Variants in SLCO1A2 observed in about 807,000 individuals in gnomAD.
SLCO1A2 encodes OATP-1.
A neutral mutation model predicts 69.0 loss-of-function variants in SLCO1A2; 67 were observed. The observed-to-expected ratio is 0.97, with a 90% CI of 0.80 to 1.19. The LOEUF is 1.19. SLCO1A2 is among the 50% of genes most tolerant of loss of function. The pLI is 0.00. For missense variants in SLCO1A2, 787 were observed against 793.7 expected (o/e 0.99, Z 0.10); for synonymous variants, 260 against 265.9 (o/e 0.98, Z 0.22).
intron 12 of SLCO1A2, among the ~76,000 whole-genome samples, chr12:21,278,454 T>C (rs74066047): frequency 0.021 from 3,169 of 151,946 alleles, 123 homozygotes; most frequent in African/African-American, 0.073. Context: ...CTGTGCTGGA[T>C]TCCAATCTAA....
chr12:21,330,907 G>A (rs188300051), intron 2 of SLCO1A2, among the ~76,000 whole-genome samples: 1 of 152,004 alleles, frequency 6.6e-6, no homozygotes, highest in Non-Finnish European at 1.5e-5. Flanking sequence ...TGGACTTTCT[G>A]GTTTGACATA....
At chr12:21,363,741 AACT>A (rs1381247066) in intron 2 of SLCO1A2, among the ~76,000 whole-genome samples, 1 of 152,208 alleles carries the variant, frequency 6.6e-6, no homozygotes, top group Non-Finnish European at 1.5e-5. Context: ...CAGAAATACA[AACT>A]ACTATCAGAG....
upstream of SLCO1A2, among the ~76,000 whole-genome samples, chr12:21,337,350 G>C (rs1019203243): frequency 2.6e-5 from 4 of 151,942 alleles, no homozygotes; most frequent in Admixed American, 2.6e-4. Context: ...TCTTGTTTGT[G>C]CTCTTGCAGT....
intron 2 of SLCO1A2, among the ~76,000 whole-genome samples, chr12:21,359,746 T>TA (rs35529364): frequency 0.33 from 45,893 of 140,006 alleles, 7,370 homozygotes; most frequent in East Asian, 0.48. Flanking sequence ...GACTCCGTCT[T>TA]AAAAAAAAAA....
At chr12:21,418,600 C>A (rs1942026349), upstream of SLCO1A2, among the ~76,000 whole-genome samples, 1 of 152,088 alleles carries the variant, frequency 6.6e-6, no homozygotes, top group Admixed American at 6.6e-5. Context: ...CCTTATAAAA[C>A]CATCAGATCT....
chr12:21,294,216 G>C (rs1175846862), intron 10 of SLCO1A2, 106 bp from the exon 11 acceptor site: 1 of 915,864 alleles, frequency 1.1e-6, no homozygotes, highest in Non-Finnish European at 1.6e-6. Context: ...CCCATGAATA[G>C]AAAGAGAAAT....
chr12:21,336,518 C>T (rs896827877), upstream of SLCO1A2, among the ~76,000 whole-genome samples: 1 of 151,958 alleles, frequency 6.6e-6, no homozygotes, highest in African/African-American at 2.4e-5. Flanking sequence ...TAAGGCTAAG[C>T]ACTTGAAAAG....
Position 21,402,860 on chromosome 12 carries a change from T to C in SLCO1A2, c.-312+15022A>G, listed in dbSNP as rs539870203. Among the ~76,000 whole-genome samples, 31 of 152,320 alleles carry C rather than the reference T, an allele frequency of 2.0e-4. No individual in the cohort carries two copies. In the South Asian group the frequency reaches 3.5e-3, roughly 17 times the overall value. ...TACGCCCAAAATTGACTTTTTTATA[T>C]ACTCTTCTGTTACTTAGCTTTGAAA... On this transcript the variant is annotated intron_variant, in intron 1 of 4. Coordinates refer to the SLCO1A2 transcript ENST00000413682.
rs1355215383 is a variant in SLCO1A2, at chr12:21,267,132, C to T, written c.*2416G>A. On this transcript the variant is annotated 3_prime_UTR_variant, in exon 15 of 15. Transcript: ENST00000683939. ...GGTCATGAGGGATCCCAAAGCACTC[C>T]AACACCCACTTTCTCTGACCTGCTT... 6.6e-6 allele frequency: 1 copy of T among 152,118 alleles called. No individual in the cohort carries two copies. Among genetic ancestry groups the T allele is most frequent in the Non-Finnish European group, 1.5e-5 (1 of 68,074 alleles). 9.4% of individuals were successfully genotyped at this position (152,118 alleles called of 1,614,324 possible).
chr12:21,415,280 A>G (rs756911053), intron 1 of SLCO1A2, among the ~76,000 whole-genome samples: 3 of 152,046 alleles, frequency 2.0e-5, no homozygotes, highest in African/African-American at 4.8e-5. Flanking sequence ...CCATACTACC[A>G]TTATCTAGAC....
chr12:21,284,447 T>C (rs999930935), intron 12 of SLCO1A2, among the ~76,000 whole-genome samples: 10 of 151,988 alleles, frequency 6.6e-5, no homozygotes, highest in South Asian at 2.1e-4. Flanking sequence ...GACAGATCAA[T>C]GAGACAGAAA....
Position 21,294,043 on chromosome 12 carries a change from ATGG to A in SLCO1A2, c.1336_1338del (p.Pro446del), listed in dbSNP as rs1210056542. On this transcript the variant is annotated inframe_deletion, in exon 11 of 15. Coordinates refer to ENST00000683939, the MANE Select transcript of SLCO1A2 (RefSeq NM_001386879.1). The stretch of plus-strand genomic sequence containing the variant: ...CCACACACAGGATCCCATATTTTAG[ATGG>A]ACAGTTGCAATCCACATTGCAATCA... 1 of 1,611,658 alleles carries A rather than the reference ATGG, an allele frequency of 6.2e-7. No homozygotes were observed. The highest frequency in any genetic ancestry group is 1.1e-5 in the South Asian group (1 of 90,658).
upstream of SLCO1A2, chr12:21,419,401 A>C (rs1026279389): frequency 2.0e-5 from 3 of 153,460 alleles, no homozygotes; most frequent in African/African-American, 7.2e-5. Context: ...GCATTGCCTC[A>C]CTTGGGAAGC....
At chr12:21,297,600 G>T in intron 8 of SLCO1A2, 32 bp from the exon 9 acceptor site, 1 of 1,461,160 alleles carries the variant, frequency 6.8e-7, no homozygotes, top group South Asian at 1.5e-5. Flanking sequence ...TGTGTCAAAC[G>T]AACTTGGCTT....
chr12:21,411,168 GTTTA>G (rs776028029), intron 1 of SLCO1A2, among the ~76,000 whole-genome samples: 116 of 152,198 alleles, frequency 7.6e-4, no homozygotes, highest in Non-Finnish European at 1.4e-3. Flanking sequence ...TGTAGCCAAT[GTTTA>G]TTTGTTACTG....
chr12:21,395,527 C>G (rs377666427), upstream of SLCO1A2: 5,062 of 152,782 alleles, frequency 0.033, 132 homozygotes, highest in Non-Finnish European at 0.049. Flanking sequence ...CACCACAGCT[C>G]AAGAAGGCCT....
intron 2 of SLCO1A2, among the ~76,000 whole-genome samples, chr12:21,364,027 A>T (rs566859645): frequency 1.3e-5 from 2 of 152,164 alleles, no homozygotes; most frequent in Admixed American, 6.5e-5. Context: ...AAAAGAGGGA[A>T]TCCTCCCTCA....
chr12:21,275,228 C>T, intron 13 of SLCO1A2, 132 bp downstream of exon 13: 1 of 876,308 alleles, frequency 1.1e-6, no homozygotes, highest in Non-Finnish European at 1.6e-6. Flanking sequence ...TGCAGCACAC[C>T]AACATGGCAC....
upstream of SLCO1A2, among the ~76,000 whole-genome samples, chr12:21,396,160 T>C (rs1030878210): frequency 7.3e-5 from 11 of 150,246 alleles, no homozygotes; most frequent in African/African-American, 2.7e-4. Context: ...GAATAACCAA[T>C]ACAGAGAAGT....
Sources: gnomAD v4.1 joint callset for allele counts (sites outside exome capture counted in the v4.1 genomes callset) on GRCh38, gnomAD v4.1.1 for gene constraint, MANE v1.5 for transcripts, NCBI Gene and HGNC (gene_info 2026-07-23, HGNC 2026-07-21) for gene names.